The following SYCP2 variants were observed in gnomAD, a reference collection of about 807,000 sequenced individuals.
SYCP2 encodes the protein synaptonemal complex protein 2.
SYCP2 carries 55 observed loss-of-function variants against 211.3 expected under a neutral mutation model. The ratio of observed to expected loss-of-function variants is 0.26; its 90% CI spans 0.21 to 0.33. The LOEUF (loss-of-function observed/expected upper bound fraction) is 0.33. SYCP2 is among the 10% of genes least tolerant of loss of function. The pLI, the probability that SYCP2 is intolerant of heterozygous loss-of-function variation, is 1.00. For missense variants in SYCP2, 1,731 were observed against 1,752.0 expected, an observed-to-expected ratio of 0.99 and a Z score of 0.21; for synonymous variants, 570 against 555.2, an observed-to-expected ratio of 1.03 and a Z score of -0.37.
At chr20:59,867,579 C>A in intron 39 of SYCP2, 132 bp downstream of exon 39, 1 of 624,614 alleles carries the variant, frequency 1.6e-6, no homozygotes. Flanking sequence ...TCCAATTATT[C>A]ACATATAAGG....
chr20:59,927,930 C>G (rs1476980087), intron 2 of SYCP2, among the ~76,000 whole-genome samples: 1 of 151,986 alleles, frequency 6.6e-6, no homozygotes, highest in East Asian at 1.9e-4. Context: ...TCCTTTTTTT[C>G]TGGAGTCAAT....
rs1185331965 is a variant in SYCP2, at chr20:59,886,777, T to A, written c.2422A>T (p.Ile808Phe). 1 of 1,592,658 alleles carries A rather than the reference T, an allele frequency of 6.3e-7. No individual in the cohort carries two copies. The highest frequency in any genetic ancestry group is 1.8e-5 in the Admixed American group (1 of 55,132). The change falls in exon 25 of 45, where the codon ATC becomes TTC. Residue 808 changes from isoleucine to phenylalanine, a missense_variant. Coordinates refer to ENST00000357552, the MANE Select transcript of SYCP2 (RefSeq NM_014258.4). ...TNVAESLISQ[I>F]NKRYKTKDDI... ...TCTTTTGTTTTGTATCTTTTATTGA[T>A]TTGGCTTATCAAGGATTCTGCTACA...
At chr20:59,901,024 G>A (rs565317121) in intron 16 of SYCP2, among the ~76,000 whole-genome samples, 2 of 151,842 alleles carry the variant, frequency 1.3e-5, no homozygotes, top group East Asian at 3.9e-4. Context: ...CTTGTCATTT[G>A]TGAGGAACAA....
intron 13 of SYCP2, chr20:59,912,146 G>A (rs1442662726): frequency 1.5e-5 from 6 of 413,312 alleles, no homozygotes; most frequent in African/African-American, 6.3e-5. Flanking sequence ...AAGGAAACAC[G>A]AGAAAAACTG....
chr20:59,911,698 A>C, intron 14 of SYCP2, 52 bp downstream of exon 14: 2 of 779,570 alleles, frequency 2.6e-6, no homozygotes, highest in Non-Finnish European at 3.9e-6. Context: ...AGTAAGTAAA[A>C]ATCTTATATA....
At chr20:59,917,680 T>A (rs1056858651) in intron 7 of SYCP2, among the ~76,000 whole-genome samples, 3 of 152,180 alleles carry the variant, frequency 2.0e-5, no homozygotes, top group African/African-American at 7.2e-5. Flanking sequence ...CAAGTACCTT[T>A]ATTTATAAAT....
chr20:59,875,706 T>TC (rs1395881462), intron 33 of SYCP2, among the ~76,000 whole-genome samples: 1 of 152,134 alleles, frequency 6.6e-6, no homozygotes, highest in Non-Finnish European at 1.5e-5. Flanking sequence ...CAAATAGCCT[T>TC]CTTTGAGGGT....
intron 31 of SYCP2, among the ~76,000 whole-genome samples, chr20:59,878,843 C>T (rs1246367956): frequency 1.3e-5 from 2 of 151,960 alleles, no homozygotes; most frequent in Non-Finnish European, 2.9e-5. Context: ...TGTTATCTTT[C>T]CAAATAGTCT....
At chr20:59,898,854 G>T (rs1275435841) in intron 18 of SYCP2, among the ~76,000 whole-genome samples, 1 of 152,074 alleles carries the variant, frequency 6.6e-6, no homozygotes, top group African/African-American at 2.4e-5. Context: ...AGATCTAGAG[G>T]CATGAATGAA....
chr20:59,892,853 T>A, intron 22 of SYCP2, 152 bp from the exon 23 acceptor site: 1 of 665,114 alleles, frequency 1.5e-6, no homozygotes, highest in Non-Finnish European at 2.4e-6. Context: ...ACTGTATATT[T>A]ATATTTCTAC....
chr20:59,882,714 G>T (rs2059709373), intron 26 of SYCP2, among the ~76,000 whole-genome samples: 1 of 152,078 alleles, frequency 6.6e-6, no homozygotes. Flanking sequence ...ACTCATAAGT[G>T]GGAGCTAAAA....
intron 24 of SYCP2, among the ~76,000 whole-genome samples, chr20:59,889,360 A>G (rs2059859145): frequency 6.6e-6 from 1 of 151,978 alleles, no homozygotes; most frequent in South Asian, 2.1e-4. Context: ...CTTTCTACTC[A>G]TTTTTGGGAC....
At chr20:59,927,284 T>C (rs995543894) in intron 2 of SYCP2, among the ~76,000 whole-genome samples, 2 of 152,180 alleles carry the variant, frequency 1.3e-5, no homozygotes, top group Non-Finnish European at 2.9e-5. Flanking sequence ...TAATGTTCCC[T>C]GAGATGTTCA....
At chr20:59,926,445 C>T (rs962698870) in intron 2 of SYCP2, among the ~76,000 whole-genome samples, 6 of 152,086 alleles carry the variant, frequency 3.9e-5, no homozygotes, top group African/African-American at 1.4e-4. Context: ...TCCTTTATCA[C>T]ATGGTATTCT....
At chr20:59,890,049 G>T (rs1401324177) in intron 24 of SYCP2, among the ~76,000 whole-genome samples, 4 of 152,166 alleles carry the variant, frequency 2.6e-5, no homozygotes, top group Non-Finnish European at 5.9e-5. Context: ...CCATTACTGG[G>T]TATATACCCA....
chr20:59,891,342 C>G (rs2059901633), intron 24 of SYCP2, among the ~76,000 whole-genome samples: 1 of 151,912 alleles, frequency 6.6e-6, no homozygotes, highest in South Asian at 2.1e-4. Flanking sequence ...GTAACTGTTA[C>G]AAAAAAGTAA....
At chr20:59,896,022 T>C (rs1479748467) in intron 19 of SYCP2, among the ~76,000 whole-genome samples, 1 of 152,062 alleles carries the variant, frequency 6.6e-6, no homozygotes, top group Non-Finnish European at 1.5e-5. Flanking sequence ...GTGATTTTTA[T>C]TTAATCCTCT....
intron 35 of SYCP2, among the ~76,000 whole-genome samples, chr20:59,871,392 C>G (rs2059449158): frequency 6.6e-6 from 1 of 151,874 alleles, no homozygotes; most frequent in African/African-American, 2.4e-5. Context: ...GTAGGTTCAA[C>G]TACCATATAA....
At chr20:59,932,802 G>A (rs1299409169) in intron 1 of SYCP2, among the ~76,000 whole-genome samples, 1 of 152,200 alleles carries the variant, frequency 6.6e-6, no homozygotes, top group Admixed American at 6.5e-5. Flanking sequence ...GGACGCATCA[G>A]GCCCAGCTGC....
Sources: allele counts gnomAD v4.1 joint callset (sites outside exome capture counted in the v4.1 genomes callset), GRCh38; gene constraint gnomAD v4.1.1; transcripts MANE v1.5; gene names NCBI Gene and HGNC (gene_info 2026-07-23, HGNC 2026-07-21).